Variants in SCARA3 observed in about 807,000 individuals in gnomAD.
SCARA3 encodes the protein cellular stress response gene protein.
SCARA3 carries 39 observed loss-of-function variants against 47.0 expected under a neutral mutation model. The ratio of observed to expected loss-of-function variants is 0.83; its 90% CI spans 0.64 to 1.08. The LOEUF (loss-of-function observed/expected upper bound fraction) is 1.08, where lower values mean the gene tolerates loss of function less well. SCARA3 is among the 50% of genes least tolerant of loss of function. The pLI, the probability that SCARA3 is intolerant of heterozygous loss-of-function variation, is 0.00. For synonymous variants in SCARA3, 356 were observed against 334.1 expected (o/e 1.07, Z -0.71); for missense variants, 724 against 792.3 (o/e 0.91, Z 1.04).
At chr8:27,675,862 C>T (rs765786609), downstream of SCARA3, among the ~76,000 whole-genome samples, 10 of 130,130 alleles carry the variant, frequency 7.7e-5, no homozygotes, top group Non-Finnish European at 1.3e-4. Context: ...GAATCAGGGA[C>T]GCGGTGGGAT....
rs35863427 is a variant in SCARA3 at position 27,645,119 on chromosome 8, C to T, written c.8-4583C>T. ...CTTCGCTGCAAAATTTTATAAATTT[C>T]GAAAGGTATATAAATTAAGCCTTTG... On this transcript the variant is annotated intron_variant, in intron 1 of 5. Coordinates refer to ENST00000301904, the MANE Select transcript of SCARA3 (RefSeq NM_016240.3). Among the ~76,000 whole-genome samples, 426 of 152,316 alleles carry T rather than the reference C, an allele frequency of 2.8e-3. 3 individuals carry two copies. The highest frequency in any genetic ancestry group is 9.2e-3 in the African/African-American group (383 of 41,556).
the SCARA3 span, among the ~76,000 whole-genome samples, chr8:27,709,794 C>T: frequency 3.9e-5 from 6 of 152,170 alleles, no homozygotes; most frequent in Admixed American, 3.9e-4. Flanking sequence ...TACTTCATCA[C>T]TTAGCCAGAT....
rs34188891 is a variant in SCARA3 at position 27,656,657 on chromosome 8, G to GC, written c.227-123dup. The GC allele has an allele frequency of 5.3e-4, 356 of 673,130 alleles. 2 individuals carry two copies. In the East Asian group the frequency reaches 9.3e-3, roughly 18 times the overall value. 41.7% of individuals were successfully genotyped at this position (673,130 alleles called of 1,614,324 possible). A position where few individuals can be genotyped will look rare whatever the true frequency, so the allele number is the denominator to read the frequency against. On this transcript the variant is annotated intron_variant, in intron 3 of 5. Coordinates refer to ENST00000301904, the MANE Select transcript of SCARA3 (RefSeq NM_016240.3). The stretch of plus-strand genomic sequence containing the variant: ...TATCTTCCCTAACCGCCATGAAGAA[G>GC]CCTGAGAGAAGAAGGGTGAAAGGTT...
chr8:27,644,732 A>G (rs1161000581), intron 1 of SCARA3, among the ~76,000 whole-genome samples: 2 of 152,014 alleles, frequency 1.3e-5, no homozygotes, highest in Non-Finnish European at 2.9e-5. Context: ...TCATAACATG[A>G]TGATTTCATT....
chr8:27,648,203 T>G (rs1487576787), intron 1 of SCARA3, among the ~76,000 whole-genome samples: 1 of 152,272 alleles, frequency 6.6e-6, no homozygotes, highest in African/African-American at 2.4e-5. Context: ...CATTCTTCAC[T>G]TCCCTGAACC....
downstream of SCARA3, chr8:27,676,562 A>T: frequency 6.2e-7 from 1 of 1,609,422 alleles, no homozygotes; most frequent in South Asian, 1.1e-5. Context: ...TGTTTCATCT[A>T]TTCTAGGTCA....
intron 1 of SCARA3, among the ~76,000 whole-genome samples, chr8:27,641,520 C>T (rs1230606088): frequency 6.6e-6 from 1 of 152,202 alleles, no homozygotes; most frequent in Non-Finnish European, 1.5e-5. Flanking sequence ...CCTGCAGCTC[C>T]AGGCTTCTCT....
the SCARA3 span, among the ~76,000 whole-genome samples, chr8:27,710,452 G>T: frequency 6.6e-6 from 1 of 152,058 alleles, no homozygotes; most frequent in Admixed American, 6.6e-5. Context: ...CACTCCTTAA[G>T]CTTGTTATTG....
chr8:27,649,874 G>T, intron 2 of SCARA3, 74 bp downstream of exon 2: 2 of 1,318,254 alleles, frequency 1.5e-6, no homozygotes, highest in Non-Finnish European at 2.1e-6. Flanking sequence ...AGGCCAGTGA[G>T]AGATTTGTCT....
At chr8:27,678,871 C>T (rs996617572), downstream of SCARA3, among the ~76,000 whole-genome samples, 1 of 152,034 alleles carries the variant, frequency 6.6e-6, no homozygotes, top group Non-Finnish European at 1.5e-5. Flanking sequence ...TCAGTATAAA[C>T]CTTGTAGTTG....
At chr8:27,686,587 C>T in the SCARA3 span, among the ~76,000 whole-genome samples, 2 of 152,160 alleles carry the variant, frequency 1.3e-5, no homozygotes, top group Non-Finnish European at 2.9e-5. Flanking sequence ...GGGGGCCAGG[C>T]TGCTGGTTCA....
intron 1 of SCARA3, among the ~76,000 whole-genome samples, chr8:27,644,655 C>G (rs1202610645): frequency 7.0e-6 from 1 of 143,612 alleles, no homozygotes; most frequent in South Asian, 2.3e-4. Flanking sequence ...AGAAGAGAGA[C>G]AGAAGGCAAC....
At chr8:27,637,245 C>T (rs1003656299) in intron 1 of SCARA3, among the ~76,000 whole-genome samples, 42 of 152,254 alleles carry the variant, frequency 2.8e-4, no homozygotes, top group African/African-American at 1.0e-3. Context: ...GCCGCTGCCT[C>T]TTTTGATCCA....
At chr8:27,673,487 C>T (rs1235663953), downstream of SCARA3, among the ~76,000 whole-genome samples, 1 of 152,222 alleles carries the variant, frequency 6.6e-6, no homozygotes, top group Non-Finnish European at 1.5e-5. Context: ...CAGCCTCACT[C>T]ACTGGCAAAA....
At chr8:27,674,952 C>T (rs1412023698), downstream of SCARA3, among the ~76,000 whole-genome samples, 1 of 152,112 alleles carries the variant, frequency 6.6e-6, no homozygotes, top group African/African-American at 2.4e-5. Context: ...TGGTCTCGAT[C>T]TCTTGACCTC....
chr8:27,662,222 G>T (rs572135497), intron 5 of SCARA3, among the ~76,000 whole-genome samples: 54 of 152,312 alleles, frequency 3.5e-4, no homozygotes, highest in Middle Eastern at 3.4e-3. Flanking sequence ...CTTCATTTCT[G>T]GACCTGTGAG....
At position 27,664,447 on chromosome 8, in the gene SCARA3, T is replaced by C. The variant is rs117424803; in HGVS notation, c.1369+4908T>C. On this transcript the variant is annotated intron_variant, in intron 5 of 5. Transcript: ENST00000301904. ...GGATGGGGGAGGGAGTTTAAAGGAA[T>C]AAGCACAGGGTCACTCTGATTTAAA... is the stretch of plus-strand genomic sequence containing the variant. 6.0e-4 allele frequency among the ~76,000 whole-genome samples: 91 copies of C among 152,306 alleles called. No individual in the cohort carries two copies. In the East Asian group the frequency reaches 0.017, roughly 28 times the overall value.
At position 27,649,939 on chromosome 8, in the gene SCARA3, G is replaced by A. The variant is rs143863870; in HGVS notation, c.106+139G>A. 6.0e-3 allele frequency: 4,167 copies of A among 693,680 alleles called. 17 individuals are homozygous for A. The highest frequency in any genetic ancestry group is 8.8e-3 in the Non-Finnish European group (3,640 of 415,732). 43.0% of individuals were successfully genotyped at this position (693,680 alleles called of 1,614,324 possible). ...CTTTCCCCACTGCTTCCTGGATGGT[G>A]AAAGGGCAGAGTTCACGGCCCTGGG... On this transcript the variant is annotated intron_variant, in intron 2 of 5. Transcript: ENST00000301904.
chr8:27,707,771 A>C, the SCARA3 span, among the ~76,000 whole-genome samples: 1 of 151,552 alleles, frequency 6.6e-6, no homozygotes, highest in Non-Finnish European at 1.5e-5. Context: ...TAGGAGTTTG[A>C]TCTTAAAATT....
Sources: gnomAD v4.1 joint callset for allele counts (sites outside exome capture counted in the v4.1 genomes callset) on GRCh38, gnomAD v4.1.1 for gene constraint, MANE v1.5 for transcripts, NCBI Gene and HGNC (gene_info 2026-07-23, HGNC 2026-07-21) for gene names.